Variants in DCC observed in about 807,000 individuals in gnomAD.
DCC encodes DCC netrin 1 receptor.
DCC carries 58 observed loss-of-function variants against 172.5 expected under a neutral mutation model. The ratio of observed to expected loss-of-function variants is 0.34; its 90% CI spans 0.27 to 0.42. The LOEUF (loss-of-function observed/expected upper bound fraction) is 0.42, where lower values mean the gene tolerates loss of function less well. Among genes scored for constraint, DCC ranks in the 10% least tolerant of loss-of-function variants. DCC has a pLI of 1.00. For missense variants in DCC, 1,740 were observed against 1,791.0 expected (o/e 0.97, Z 0.51); for synonymous variants, 709 against 644.5 (o/e 1.10, Z -1.52).
intron 1 of DCC, among the ~76,000 whole-genome samples, chr18:52,718,916 A>G (rs1239426206): frequency 6.6e-6 from 1 of 152,226 alleles, no homozygotes. Flanking sequence ...TGGATGGCTT[A>G]AAACAAGAGA....
chr18:53,242,317 T>C (rs1297471235), intron 12 of DCC, among the ~76,000 whole-genome samples: 5 of 152,212 alleles, frequency 3.3e-5, no homozygotes, highest in Admixed American at 2.6e-4. Context: ...AAGTTTCCAA[T>C]GGGACAGCCA....
intron 3 of DCC, among the ~76,000 whole-genome samples, chr18:52,915,232 G>A (rs571482563): frequency 3.3e-5 from 5 of 152,262 alleles, no homozygotes; most frequent in Admixed American, 6.6e-5. Context: ...AAGGAAAGCC[G>A]TAGTCATCAC....
intron 1 of DCC, among the ~76,000 whole-genome samples, chr18:52,629,166 T>A (rs1297921869): frequency 6.6e-6 from 1 of 152,216 alleles, no homozygotes; most frequent in African/African-American, 2.4e-5. Context: ...GGAAGAGCAA[T>A]AAATAATCTA....
chr18:52,893,252 AG>A (rs2039678437), intron 2 of DCC, among the ~76,000 whole-genome samples: 1 of 152,122 alleles, frequency 6.6e-6, no homozygotes, highest in Non-Finnish European at 1.5e-5. Context: ...TATTGAGAAG[AG>A]GGTAGTCCTA....
intron 2 of DCC, among the ~76,000 whole-genome samples, chr18:52,810,802 G>C (rs1176923278): frequency 2.0e-5 from 3 of 152,214 alleles, no homozygotes; most frequent in Non-Finnish European, 2.9e-5. Flanking sequence ...TCTCAATCTA[G>C]TCTGAGGATT....
At chr18:52,877,065 C>G (rs1013339667) in intron 2 of DCC, among the ~76,000 whole-genome samples, 2 of 152,090 alleles carry the variant, frequency 1.3e-5, no homozygotes, top group Non-Finnish European at 1.5e-5. Flanking sequence ...ACCTGAAATT[C>G]AAATTTAACT....
At chr18:53,325,432 C>A (rs1475483843) in intron 14 of DCC, among the ~76,000 whole-genome samples, 1 of 152,084 alleles carries the variant, frequency 6.6e-6, no homozygotes. Flanking sequence ...TACAAAATAT[C>A]CAGAATGAAA....
rs910455166 is a variant in DCC, at chr18:52,784,568, C to G, written c.412+32194C>G. On this transcript the variant is annotated intron_variant, in intron 2 of 28. Transcript: ENST00000442544. ...GGTTCAATTTTTCTCTACATGTTTG[C>G]CAGCAGTTGTTATTTTTTGTCTTTT... 2.6e-5 allele frequency among the ~76,000 whole-genome samples: 4 copies of G among 151,998 alleles called. No homozygotes were observed. The East Asian group carries it at 7.7e-4, about 29-fold the overall frequency.
intron 12 of DCC, among the ~76,000 whole-genome samples, chr18:53,299,179 G>A (rs558345916): frequency 1.3e-4 from 20 of 152,316 alleles, no homozygotes; most frequent in African/African-American, 4.6e-4. Context: ...ATGGGCTTGT[G>A]TGTATTTAAG....
At chr18:52,768,506 C>A (rs1476310320) in intron 2 of DCC, among the ~76,000 whole-genome samples, 1 of 152,180 alleles carries the variant, frequency 6.6e-6, no homozygotes, top group African/African-American at 2.4e-5. Flanking sequence ...ACATTTCAGA[C>A]TAGACTTTGT....
chr18:53,009,640 A>C (rs1320672026), intron 5 of DCC, among the ~76,000 whole-genome samples: 1 of 152,008 alleles, frequency 6.6e-6, no homozygotes, highest in Non-Finnish European at 1.5e-5. Flanking sequence ...GGATGGCGGC[A>C]TAAGTTTGTC....
intron 2 of DCC, among the ~76,000 whole-genome samples, chr18:52,881,322 T>C (rs1288503215): frequency 6.6e-6 from 1 of 151,990 alleles, no homozygotes; most frequent in Non-Finnish European, 1.5e-5. Flanking sequence ...TCATGTTGAC[T>C]GTTCTTTGCC....
chr18:52,470,457 C>G (rs1482745466), intron 1 of DCC, among the ~76,000 whole-genome samples: 2 of 152,136 alleles, frequency 1.3e-5, no homozygotes, highest in African/African-American at 4.8e-5. Flanking sequence ...ACTTTCAGAT[C>G]TCTTGTAACA....
intron 5 of DCC, among the ~76,000 whole-genome samples, chr18:53,031,498 G>C (rs2042024769): frequency 6.6e-6 from 1 of 152,054 alleles, no homozygotes; most frequent in Non-Finnish European, 1.5e-5. Flanking sequence ...TTGTAAGAGT[G>C]ATAACTGATT....
At chr18:53,048,422 C>T (rs1158896536) in intron 5 of DCC, among the ~76,000 whole-genome samples, 1 of 150,740 alleles carries the variant, frequency 6.6e-6, no homozygotes. Context: ...TGATGGCCTT[C>T]GACTCCATCC....
chr18:52,821,251 C>T (rs529095121), intron 2 of DCC, among the ~76,000 whole-genome samples: 21 of 152,252 alleles, frequency 1.4e-4, no homozygotes, highest in African/African-American at 4.3e-4. Context: ...AGTGGCACCA[C>T]GTTACTTCTA....
chr18:52,760,161 T>G (rs1356420010), intron 2 of DCC, among the ~76,000 whole-genome samples: 1 of 152,178 alleles, frequency 6.6e-6, no homozygotes, highest in Admixed American at 6.5e-5. Context: ...TCAGGAGACT[T>G]GTAATCATGG....
At chr18:52,834,515 T>C (rs2038669059) in intron 2 of DCC, among the ~76,000 whole-genome samples, 1 of 152,122 alleles carries the variant, frequency 6.6e-6, no homozygotes, top group African/African-American at 2.4e-5. Flanking sequence ...TTCCGAACTT[T>C]TTGTGTGCCT....
intron 21 of DCC, among the ~76,000 whole-genome samples, chr18:53,426,710 T>C (rs1910992737): frequency 6.6e-6 from 1 of 152,102 alleles, no homozygotes; most frequent in Non-Finnish European, 1.5e-5. Flanking sequence ...ACATTTTCCG[T>C]CTCACTGACT....
Sources: gnomAD v4.1 joint callset for allele counts (sites outside exome capture counted in the v4.1 genomes callset) on GRCh38, gnomAD v4.1.1 for gene constraint, MANE v1.5 for transcripts, NCBI Gene and HGNC (gene_info 2026-07-23, HGNC 2026-07-21) for gene names.